Variants in NCOR2 observed in about 807,000 individuals in gnomAD.
NCOR2 encodes nuclear receptor corepressor 2, also known as CTG repeat protein 26.
In NCOR2, 81 loss-of-function variants were observed where a neutral mutation model predicts 262.9. That is an observed-to-expected ratio of 0.31 (90% CI 0.26 to 0.37). The LOEUF (loss-of-function observed/expected upper bound fraction) is 0.37, where lower values mean the gene tolerates loss of function less well. NCOR2 is among the 10% of genes least tolerant of loss of function. NCOR2 has a pLI of 1.00. For synonymous variants in NCOR2, 1,659 were observed against 1,559.3 expected (o/e 1.06, Z -1.51); for missense variants, 3,385 against 3,621.4 (o/e 0.93, Z 1.68).
intron 44 of NCOR2, 141 bp from the exon 47 acceptor site, chr12:124,327,774 T>C: frequency 1.6e-6 from 1 of 630,804 alleles, no homozygotes; most frequent in Non-Finnish European, 2.8e-6. Flanking sequence ...AGTGAGCACA[T>C]TTCGGCAAAG....
At chr12:124,515,745 T>C (rs1457069514) in intron 1 of NCOR2, among the ~76,000 whole-genome samples, 1 of 150,500 alleles carries the variant, frequency 6.6e-6, no homozygotes, top group Non-Finnish European at 1.5e-5. Flanking sequence ...AGTGTGCGTG[T>C]GAGTATACAT....
exon 11 of NCOR2, chr12:124,426,669 C>T (rs775595213): frequency 8.7e-6 from 14 of 1,608,812 alleles, no homozygotes; most frequent in Admixed American, 5.0e-5. Context: ...TGTTCATGAC[C>T]TGGCGGTCTT....
exon 20 of NCOR2, chr12:124,372,597 G>A (rs760502147): frequency 1.9e-6 from 3 of 1,597,872 alleles, no homozygotes; most frequent in African/African-American, 1.3e-5. Flanking sequence ...TGTCTGAGCT[G>A]TTGTTGACAG....
Position 124,454,336 on chromosome 12 carries a change from C to T in NCOR2, c.762+2770G>A, listed in dbSNP as rs1160572444. On this transcript the variant is annotated intron_variant, in intron 6 of 46. Transcript: ENST00000405201. The surrounding 1 kb of genome is among the most constrained non-coding windows in gnomAD (Gnocchi z 5.6). ...AGTCCAAACACTAGATCTTAGCCTC[C>T]TGTGCCATCAGCCTTGTGGAAGCCT... Among the ~76,000 whole-genome samples the T allele has an allele frequency of 6.6e-6, 1 of 152,224 alleles. No individual in the cohort carries two copies. Among genetic ancestry groups the T allele is most frequent in the Non-Finnish European group, 1.5e-5 (1 of 68,046 alleles).
intron 37 of NCOR2, among the ~76,000 whole-genome samples, chr12:124,338,736 C>T (rs1258543142): frequency 1.3e-5 from 2 of 151,894 alleles, no homozygotes; most frequent in Non-Finnish European, 2.9e-5. Context: ...CCTCACAGTC[C>T]CCATTCAGTC....
At chr12:124,445,457 C>T (rs753928100) in intron 7 of NCOR2, among the ~76,000 whole-genome samples, 2 of 152,200 alleles carry the variant, frequency 1.3e-5, no homozygotes, top group African/African-American at 4.8e-5. Flanking sequence ...CGTCCGAAAT[C>T]GTCTGTGCGG....
intron 22 of NCOR2, among the ~76,000 whole-genome samples, chr12:124,357,670 G>C (rs2038057949): frequency 1.3e-5 from 2 of 152,284 alleles, no homozygotes; most frequent in East Asian, 1.9e-4. Flanking sequence ...GTCTATGGCA[G>C]AGCTGAATCC....
At chr12:124,500,002 C>T (rs1447550262), upstream of NCOR2, among the ~76,000 whole-genome samples, 3 of 152,076 alleles carry the variant, frequency 2.0e-5, no homozygotes, top group East Asian at 1.9e-4. Context: ...GCAGGAGTCC[C>T]GCTGCACAGG....
upstream of NCOR2, among the ~76,000 whole-genome samples, chr12:124,536,132 C>T (rs748090531): frequency 1.3e-5 from 2 of 152,200 alleles, no homozygotes; most frequent in Admixed American, 6.5e-5. Flanking sequence ...CGCTCTGTCA[C>T]TCAGGCTGGG....
rs186168033 is a variant in NCOR2, at chr12:124,445,436, C to T, written c.815+4379G>A. Among the ~76,000 whole-genome samples the T allele has an allele frequency of 2.4e-4, 37 of 152,312 alleles. No homozygotes were observed. In the East Asian group the frequency reaches 5.8e-3, roughly 24 times the overall value. On this transcript the variant is annotated intron_variant, in intron 7 of 46. Coordinates refer to ENST00000405201, the Ensembl canonical transcript of NCOR2. ...GGAGGGCGGCGGAGGCGGCTACGGG[C>T]GACTCCAACGCGTCCGAAATCGTCT...
chr12:124,485,626 C>T (rs1034775476), intron 2 of NCOR2, among the ~76,000 whole-genome samples: 1 of 152,228 alleles, frequency 6.6e-6, no homozygotes. Context: ...GGCCTCCCCT[C>T]CTCCAGACGC....
At chr12:124,505,488 C>A (rs1396361755) in intron 1 of NCOR2, among the ~76,000 whole-genome samples, 3 of 152,226 alleles carry the variant, frequency 2.0e-5, no homozygotes, top group African/African-American at 4.8e-5. Context: ...GTGGGCTGAG[C>A]CCCTCGGTCA....
At chr12:124,512,204 G>A (rs2049432438) in intron 1 of NCOR2, among the ~76,000 whole-genome samples, 2 of 152,170 alleles carry the variant, frequency 1.3e-5, no homozygotes, top group African/African-American at 2.4e-5. Context: ...GAGCCACCTC[G>A]CCCGGCCAAC....
In NCOR2 at chr12:124,360,404, G is replaced by A. The variant is rs2038461018; in HGVS notation, c.3100+1722C>T. Among the ~76,000 whole-genome samples, 5 of 152,238 alleles carry A rather than the reference G, an allele frequency of 3.3e-5. No individual in the cohort carries two copies. The South Asian group carries it at 8.3e-4, about 25-fold the overall frequency. ...CTTCCTTCCACCTCCACGGCCACCT[G>A]TGCGGTTCAGGCAGCCTCTGTCGCC... On this transcript the variant is annotated intron_variant, in intron 22 of 46. Coordinates refer to ENST00000405201, the Ensembl canonical transcript of NCOR2.
chr12:124,511,479 C>T (rs565238209), intron 1 of NCOR2, among the ~76,000 whole-genome samples: 2 of 152,332 alleles, frequency 1.3e-5, no homozygotes, highest in African/African-American at 2.4e-5. Flanking sequence ...GAGTGCAACC[C>T]GGGTTCTGCA....
At chr12:124,335,926 G>A (rs909005256) in intron 38 of NCOR2, 10 of 419,848 alleles carry the variant, frequency 2.4e-5, no homozygotes, top group Admixed American at 1.2e-4. Context: ...GGTGGAGGCC[G>A]GGCGAGGCCA....
In NCOR2 at chr12:124,378,419, G is replaced by A. The variant is rs1421717901; in HGVS notation, c.2020-35C>T. On this transcript the variant is annotated intron_variant, in intron 17 of 46. Transcript: ENST00000405201. This position sits in a 1 kb window ranked among gnomAD's most constrained non-coding sequence, Gnocchi z 4.2. ...AGGGAAGCAGCAGATCAGGACTGGG[G>A]CCTGGGCTGTCAGCTCGGGGACTCC... is the stretch of plus-strand genomic sequence containing the variant. 5.7e-6 allele frequency: 9 copies of A among 1,580,996 alleles called. No individual in the cohort carries two copies. Among genetic ancestry groups the A allele is most frequent in the East Asian group, 2.3e-5 (1 of 44,240 alleles).
chr12:124,379,834 C>T (rs963285442), intron 17 of NCOR2, among the ~76,000 whole-genome samples: 1 of 152,154 alleles, frequency 6.6e-6, no homozygotes, highest in African/African-American at 2.4e-5. Context: ...AAGGGAAACA[C>T]GGATTCAGGG....
intron 7 of NCOR2, among the ~76,000 whole-genome samples, chr12:124,444,293 A>G (rs2045008648): frequency 6.6e-6 from 1 of 152,174 alleles, no homozygotes; most frequent in East Asian, 1.9e-4. Flanking sequence ...AGAGGCACTC[A>G]TGGGGTGCAA....
Sources: gnomAD v4.1 joint callset for allele counts (sites outside exome capture counted in the v4.1 genomes callset) on GRCh38, gnomAD v4.1.1 for gene constraint, Gnocchi (gnomAD v3.1) non-coding constraint, MANE v1.5 for transcripts, NCBI Gene and HGNC (gene_info 2026-07-23, HGNC 2026-07-21) for gene names.